The following KDM5C variants were observed in gnomAD, a reference collection of about 807,000 sequenced individuals.
The protein encoded by KDM5C is lysine demethylase 5C.
In KDM5C, 16 loss-of-function variants were observed where a neutral mutation model predicts 110.6. The ratio of observed to expected loss-of-function variants is 0.14; its 90% CI spans 0.10 to 0.22. KDM5C has a LOEUF of 0.22. Among genes scored for constraint, KDM5C ranks in the 10% least tolerant of loss-of-function variants. The pLI, the probability that KDM5C is intolerant of heterozygous loss-of-function variation, is 1.00. For missense variants in KDM5C, 681 were observed against 1,300.9 expected (o/e 0.52, Z 7.33); for synonymous variants, 511 against 520.4 (o/e 0.98, Z 0.24).
chrX:53,178,116 G>A (rs782041923), intron 25 of KDM5C, among the ~76,000 whole-genome samples: 2 of 111,987 alleles, frequency 1.8e-5, no homozygotes, highest in African/African-American at 6.5e-5. Flanking sequence ...CTCAGCCTCC[G>A]AAAGTGTTGG....
chrX:53,177,951 C>T (rs782501786), intron 25 of KDM5C, among the ~76,000 whole-genome samples: 5 of 111,260 alleles, frequency 4.5e-5, no homozygotes, highest in East Asian at 5.6e-4. Flanking sequence ...CTCCACCTCC[C>T]GGGCTCAAGC....
intron 1 of KDM5C, among the ~76,000 whole-genome samples, 166 bp downstream of exon 1, chrX:53,224,574 G>A (rs193010382): frequency 7.2e-5 from 8 of 111,169 alleles, no homozygotes; most frequent in African/African-American, 2.3e-4. Flanking sequence ...CACACCACGA[G>A]AGGACCCCTG....
downstream of KDM5C, among the ~76,000 whole-genome samples, chrX:53,188,050 A>AT (rs1470210783): frequency 1.8e-5 from 2 of 111,421 alleles, no homozygotes; most frequent in African/African-American, 3.3e-5. Flanking sequence ...CCAAAAAATA[A>AT]TTTTTTACAA....
Position 53,192,869 on chromosome X carries a change from A to AAAC in KDM5C, c.*97_*98insGTT. 4 of 179,862 alleles carry AAAC rather than the reference A, an allele frequency of 2.2e-5. No homozygotes were observed. Among genetic ancestry groups the AAAC allele is most frequent in the Non-Finnish European group, 3.6e-5 (4 of 112,532 alleles). The allele number at this position is 179,862 out of a possible 1,213,427, so 14.8% of individuals were successfully genotyped here. A position where few individuals can be genotyped will look rare whatever the true frequency, so the allele number is the denominator to read the frequency against. ...GGGTAGCAGGGATGGCCACCCCCCTACCCGCCCACCCCCCAAGAAGCAGGC... is the reference window on the plus strand; with the variant it reads ...GGGTAGCAGGGATGGCCACCCCCCTAAACCCCGCCCACCCCCCAAGAAGCAGGC... On this transcript the variant is annotated 3_prime_UTR_variant, in exon 26 of 26. Transcript: ENST00000375401.
chrX:53,216,188 T>C lies in KDM5C; in HGVS notation c.667A>G (p.Thr223Ala). The change falls in exon 6 of 26, where the codon ACA (threonine) becomes GCA (alanine). Residue 223 changes from threonine to alanine, a missense_variant. Transcript: ENST00000375401. Reference sequence around the variant, plus strand: ...GGATTCTTCTCAATGTCTTCCTCTGTGGGTTCCGGCTGGAAGGAAAGAAGG... The same window carrying C: ...GGATTCTTCTCAATGTCTTCCTCTGCGGGTTCCGGCTGGAAGGAAAGAAGG... Reference protein sequence around the residue: ...AKRLQPDPEPTEEDIEKNPEL... With the variant: ...AKRLQPDPEPAEEDIEKNPEL... 1.7e-6 allele frequency: 2 copies of C among 1,211,813 alleles called. No homozygotes were observed. The highest frequency in any genetic ancestry group is 2.2e-6 in the Non-Finnish European group (2 of 895,544).
At position 53,195,255 on chromosome X, in the gene KDM5C, T is replaced by C. The variant is rs1230365386; in HGVS notation, c.3276A>G (p.Lys1092=). ...REKASKTFLK[K]NSCYTLLEVL... is the part of the protein sequence containing the mutation. ...CCTCCAGCAGCGTGTAGCAAGAATT[T>C]TTCTTGAGGAAGGTCTTGGAGGCCT... The change falls in exon 21 of 26, where the codon AAA becomes AAG. Residue 1092 remains lysine, a synonymous_variant. Coordinates refer to ENST00000375401, the MANE Select transcript of KDM5C (RefSeq NM_004187.5). The C allele has an allele frequency of 8.3e-7, 1 of 1,203,020 alleles. No individual in the cohort carries two copies. Among genetic ancestry groups the C allele is most frequent in the Non-Finnish European group, 1.1e-6 (1 of 891,391 alleles).
chrX:53,194,833 A>G, intron 22 of KDM5C, 95 bp from the exon 23 acceptor site: 8 of 1,192,318 alleles, frequency 6.7e-6, no homozygotes, highest in Non-Finnish European at 7.9e-6. Flanking sequence ...AACCAGGAGA[A>G]CTGAGGCTCA....
Position 53,204,536 on chromosome X carries a change from G to A in KDM5C, c.1747-2563C>T, listed in dbSNP as rs144851420. Among the ~76,000 whole-genome samples, 1,003 of 110,474 alleles carry A rather than the reference G, an allele frequency of 9.1e-3. 13 individuals are homozygous for A. The highest frequency in any genetic ancestry group is 0.013 in the Non-Finnish European group (682 of 52,726). The stretch of plus-strand genomic sequence containing the variant: ...TTTTGAGACGGTGTCTCGCTCTGTC[G>A]CCCAGGCTGGAGTGCAGTGGTGTGA... On this transcript the variant is annotated intron_variant, in intron 12 of 25. Coordinates refer to ENST00000375401, the MANE Select transcript of KDM5C (RefSeq NM_004187.5).
intron 12 of KDM5C, among the ~76,000 whole-genome samples, chrX:53,206,736 C>T (rs981411637): frequency 9.4e-6 from 1 of 106,087 alleles, no homozygotes; most frequent in African/African-American, 3.5e-5. Context: ...TGGTGGCGCA[C>T]GCCTGTAATC....
rs782483396 is a variant in KDM5C, at chrX:53,194,919, G to A, written c.3438+12C>T. ...CCAAGCCCTTCTCCCCATCTGTGTC[G>A]AAGCTCCTTACCACAGAGCCTGGGT... is the stretch of plus-strand genomic sequence containing the variant. On this transcript the variant is annotated intron_variant, in intron 22 of 25. Transcript: ENST00000375401. The A allele has an allele frequency of 5.0e-6, 6 of 1,210,244 alleles. No homozygotes were observed. Among genetic ancestry groups the A allele is most frequent in the South Asian group, 3.5e-5 (2 of 56,834 alleles).
chrX:53,198,409 C>A, intron 17 of KDM5C, 81 bp downstream of exon 17: 1 of 1,089,006 alleles, frequency 9.2e-7, no homozygotes, highest in Non-Finnish European at 1.2e-6. Flanking sequence ...ATGGTATTCA[C>A]AGTCTACCCC....
At chrX:53,184,934 C>T (rs782789223) in intron 25 of KDM5C, among the ~76,000 whole-genome samples, 24 of 111,770 alleles carry the variant, frequency 2.1e-4, no homozygotes, top group Non-Finnish European at 3.6e-4. Flanking sequence ...TCAATAGTAG[C>T]TTGTGTTAAA....
chrX:53,191,663 G>C (rs1934424612), downstream of KDM5C: 2 of 172,839 alleles, frequency 1.2e-5, no homozygotes, highest in Admixed American at 1.6e-4. Flanking sequence ...AGATGGGTTA[G>C]ACAGGAAAAC....
chrX:53,223,419 A>G (rs1275012616), intron 1 of KDM5C, among the ~76,000 whole-genome samples: 5 of 111,300 alleles, frequency 4.5e-5, no homozygotes, highest in Non-Finnish European at 9.4e-5. Context: ...CACCTCCTAG[A>G]GGATCTATCT....
intron 12 of KDM5C, among the ~76,000 whole-genome samples, chrX:53,207,968 CAAAAAAAAAAAAAAAA>C (rs781945536): frequency 3.3e-5 from 1 of 30,597 alleles, no homozygotes; most frequent in African/African-American, 1.3e-4. Context: ...GACTCTGTCT[CAAAAAAAAAAAAAAAA>C]AAAAAAGAAA....
exon 26 of KDM5C, among the ~76,000 whole-genome samples, chrX:53,176,504 G>A (rs1350707649): frequency 2.7e-5 from 3 of 111,761 alleles, no homozygotes; most frequent in African/African-American, 9.8e-5. Context: ...ACAGAAATTC[G>A]GGAGGTATAA....
chrX:53,190,327 C>G (rs140770042), downstream of KDM5C, among the ~76,000 whole-genome samples: 3,352 of 112,524 alleles, frequency 0.03, 63 homozygotes, highest in Non-Finnish European at 0.043. Flanking sequence ...GGGACACAGA[C>G]GTGCCAACAT....
At chrX:53,218,066 A>G (rs1035914376) in intron 3 of KDM5C, 100 bp from the exon 4 acceptor site, 6 of 933,583 alleles carry the variant, frequency 6.4e-6, no homozygotes, top group Non-Finnish European at 9.1e-6. Context: ...GGGCAACTCT[A>G]GTCCCTCACT....
Position 53,217,965 on chromosome X carries a change from A to G in KDM5C, c.353T>C (p.Ile118Thr), listed in dbSNP as rs1799863382. The G allele has an allele frequency of 1.7e-6, 2 of 1,210,513 alleles. No homozygotes were observed. Among genetic ancestry groups the G allele is most frequent in the African/African-American group, 3.5e-5 (2 of 57,708 alleles). ...TTCATAACCACCTTCCTCCACCACA[A>G]TCTGAAAAAACAAGTAGGAAAAGAC... ...RILDLYSLSK[I>T]VVEEGGYEAI... The change falls in exon 4 of 26, where the codon ATT (isoleucine) becomes ACT (threonine). Residue 118 changes from isoleucine (I) to threonine (T), a missense_variant and splice_region_variant. Around this residue, in one of 14 missense-constraint regions of KDM5C, gnomAD observed 55 missense variants for 118.0 expected, o/e 0.47. Transcript: ENST00000375401.
Sources: gnomAD v4.1 joint callset for allele counts (sites outside exome capture counted in the v4.1 genomes callset) on GRCh38, gnomAD v4.1.1 for gene constraint, gnomAD v4.1.1 regional missense constraint, MANE v1.5 for transcripts, NCBI Gene and HGNC (gene_info 2026-07-23, HGNC 2026-07-21) for gene names.